Variants in PRUNE2 observed in about 807,000 individuals in gnomAD.
PRUNE2 encodes the protein protein prune homolog 2.
In PRUNE2, 164 loss-of-function variants were observed where a neutral mutation model predicts 252.0. The ratio of observed to expected loss-of-function variants is 0.65; its 90% confidence interval spans 0.57 to 0.74. PRUNE2 has a LOEUF of 0.74. Ranked by LOEUF, PRUNE2 falls within the 30% of genes least tolerant of loss-of-function variation. The pLI, the probability that PRUNE2 is intolerant of heterozygous loss-of-function variation, is 0.00. For synonymous variants in PRUNE2, 1,292 were observed against 1,350.2 expected (o/e 0.96, Z 0.94); for missense variants, 3,495 against 3,711.0 (o/e 0.94, Z 1.51).
chr9:76,840,750 G>GT (rs2059339735), intron 4 of PRUNE2, among the ~76,000 whole-genome samples: 2 of 152,204 alleles, frequency 1.3e-5, no homozygotes, highest in South Asian at 2.1e-4. Context: ...GGAGGCTGAG[G>GT]CGGGCAGATC....
At chr9:76,836,440 G>A (rs747665169) in intron 4 of PRUNE2, among the ~76,000 whole-genome samples, 1 of 151,352 alleles carries the variant, frequency 6.6e-6, no homozygotes, top group Non-Finnish European at 1.5e-5. Flanking sequence ...AGAAAGCAAA[G>A]AAACAAAGAA....
intron 4 of PRUNE2, among the ~76,000 whole-genome samples, chr9:76,843,925 AC>A (rs1359995968): frequency 1.3e-5 from 2 of 152,054 alleles, no homozygotes; most frequent in Non-Finnish European, 2.9e-5. Context: ...ACGAGGTTTC[AC>A]CATGTTGGCC....
chr9:76,839,815 T>C (rs1043259391), intron 4 of PRUNE2, among the ~76,000 whole-genome samples: 2 of 152,148 alleles, frequency 1.3e-5, no homozygotes, highest in Non-Finnish European at 2.9e-5. Context: ...GGGAGTCATG[T>C]TATGTTCTAG....
At chr9:76,889,357 A>C (rs1428913025) in intron 1 of PRUNE2, among the ~76,000 whole-genome samples, 1 of 150,860 alleles carries the variant, frequency 6.6e-6, no homozygotes, top group African/African-American at 2.4e-5. Flanking sequence ...TTTTTGAGAC[A>C]GAGTTTAGGC....
At chr9:76,693,233 C>G (rs1309232875) in intron 9 of PRUNE2, among the ~76,000 whole-genome samples, 1 of 151,032 alleles carries the variant, frequency 6.6e-6, no homozygotes, top group Non-Finnish European at 1.5e-5. Context: ...AGCAAAATGT[C>G]AATTTGGGAA....
In PRUNE2 at chr9:76,845,960, T is replaced by C. The variant is rs547256922; in HGVS notation, c.508+555A>G. 1.5e-3 allele frequency among the ~76,000 whole-genome samples: 234 copies of C among 152,282 alleles called. 1 individual carries two copies. The highest frequency in any genetic ancestry group is 5.3e-3 in the African/African-American group (222 of 41,560). On this transcript the variant is annotated intron_variant, in intron 4 of 18. Coordinates refer to ENST00000376718, the MANE Select transcript of PRUNE2 (RefSeq NM_015225.3). ...GAGAGATTACTAGAGTAACTGATGA[T>C]GGTGTGTTCAGGACCCCAGGGCTTG...
chr9:76,838,560 G>T (rs1229987617), intron 4 of PRUNE2, among the ~76,000 whole-genome samples: 1 of 148,982 alleles, frequency 6.7e-6, no homozygotes, highest in Non-Finnish European at 1.5e-5. Context: ...CAGGAGAATT[G>T]CTTGAACCTA....
chr9:76,704,135 A>G (rs894902016), intron 8 of PRUNE2, 36 bp from the exon 9 acceptor site: 7 of 1,445,292 alleles, frequency 4.8e-6, no homozygotes, highest in Non-Finnish European at 6.5e-6. Flanking sequence ...AGAGGAGAAA[A>G]AGGTTTAATT....
intron 4 of PRUNE2, among the ~76,000 whole-genome samples, chr9:76,827,702 C>T (rs994301987): frequency 1.3e-5 from 2 of 151,948 alleles, no homozygotes; most frequent in Admixed American, 6.6e-5. Context: ...ACTATGGTAC[C>T]CAATCCAAAC....
rs2134899767 is a variant in PRUNE2 at position 76,707,563 on chromosome 9, C to T, written c.4711G>A (p.Glu1571Lys). 1.2e-5 allele frequency: 20 copies of T among 1,613,938 alleles called. No individual in the cohort carries two copies. Among genetic ancestry groups the T allele is most frequent in the Non-Finnish European group, 1.6e-5 (19 of 1,179,898 alleles). ...GQQPSSGYQE[E>K]NQGNWSEQNH... Reference sequence around the variant, plus strand: ...TGTTCACTCCAGTTGCCTTGGTTTTCTTCTTGATACCCAGAACTGGGTTGC... The same window carrying T: ...TGTTCACTCCAGTTGCCTTGGTTTTTTTCTTGATACCCAGAACTGGGTTGC... Residue 1571 changes from glutamate to lysine, a missense_variant, in exon 8 of 19, where the codon GAA becomes AAA. Coordinates refer to ENST00000376718, the MANE Select transcript of PRUNE2 (RefSeq NM_015225.3).
chr9:76,620,420 CGTGAGCCACTGTGCCCG>C (rs1279237752), intron 17 of PRUNE2, among the ~76,000 whole-genome samples: 1 of 152,100 alleles, frequency 6.6e-6, no homozygotes, highest in Non-Finnish European at 1.5e-5. Context: ...GGATTACAGG[CGTGAGCCACTGTGCCCG>C]GCCTCCCATA....
At chr9:76,760,609 G>A (rs189964802) in intron 6 of PRUNE2, among the ~76,000 whole-genome samples, 26 of 152,216 alleles carry the variant, frequency 1.7e-4, no homozygotes, top group Admixed American at 6.5e-4. Context: ...CTATGACCAT[G>A]ATTTTAGCCA....
chr9:76,856,253 C>G lies in PRUNE2; in HGVS notation c.37-2045G>C, dbSNP rs1374755198. The stretch of plus-strand genomic sequence containing the variant: ...CTGTATTAATGCCATAATGACTTCT[C>G]AACACTATGAGGATCTCAGCGTCCA... On this transcript the variant is annotated intron_variant, in intron 1 of 18. Transcript: ENST00000376718. Among the ~76,000 whole-genome samples the G allele has an allele frequency of 5.3e-5, 8 of 152,246 alleles. No individual in the cohort carries two copies. In the South Asian group the frequency reaches 1.5e-3, roughly 28 times the overall value.
intron 6 of PRUNE2, among the ~76,000 whole-genome samples, chr9:76,810,852 T>C (rs749683439): frequency 6.6e-5 from 10 of 152,240 alleles, no homozygotes; most frequent in Non-Finnish European, 1.3e-4. Context: ...CACTTTTATA[T>C]AGATTTCTCT....
At chr9:76,847,677 CAAA>C (rs2059742848) in intron 3 of PRUNE2, among the ~76,000 whole-genome samples, 1 of 152,080 alleles carries the variant, frequency 6.6e-6, no homozygotes, top group Admixed American at 6.6e-5. Context: ...TGGCTTTTAG[CAAA>C]GGCAGGAAGA....
intron 18 of PRUNE2, among the ~76,000 whole-genome samples, chr9:76,618,418 A>G (rs1409333385): frequency 1.3e-5 from 2 of 152,370 alleles, no homozygotes; most frequent in East Asian, 3.9e-4. Flanking sequence ...CCTGATTGCT[A>G]GGAACAAGGG....
intron 9 of PRUNE2, among the ~76,000 whole-genome samples, chr9:76,661,002 TAATAA>T (rs147628649): frequency 0.013 from 1,932 of 151,784 alleles, 42 homozygotes; most frequent in African/African-American, 0.043. Flanking sequence ...GCAATAAAAG[TAATAA>T]AATAAAAGAA....
At chr9:76,754,494 C>A (rs556325675) in intron 6 of PRUNE2, among the ~76,000 whole-genome samples, 5 of 152,272 alleles carry the variant, frequency 3.3e-5, no homozygotes, top group Admixed American at 6.5e-5. Context: ...GGAGTGCCTT[C>A]GGGTGGTTCT....
intron 1 of PRUNE2, among the ~76,000 whole-genome samples, chr9:76,879,484 T>G (rs1589735222): frequency 6.6e-6 from 1 of 152,144 alleles, no homozygotes; most frequent in Non-Finnish European, 1.5e-5. Flanking sequence ...CAAAATAGAT[T>G]AAAACCTCTG....
Sources: gnomAD v4.1 joint callset for allele counts (sites outside exome capture counted in the v4.1 genomes callset) on GRCh38, gnomAD v4.1.1 for gene constraint, MANE v1.5 for transcripts, NCBI Gene and HGNC (gene_info 2026-07-23, HGNC 2026-07-21) for gene names.